The following MEIKIN variants were observed in gnomAD, a reference collection of about 807,000 sequenced individuals.
MEIKIN encodes meiotic kinetochore factor, also known as meiosis-specific kinetochore protein.
chr5:131,885,899 C>A (rs1282798942), intron 8 of MEIKIN, among the ~76,000 whole-genome samples: 1 of 152,032 alleles, frequency 6.6e-6, no homozygotes. Flanking sequence ...TGAGGAAATT[C>A]AAAGAAATTT....
chr5:131,843,751 C>T (rs981231989), intron 11 of MEIKIN, among the ~76,000 whole-genome samples: 3 of 152,230 alleles, frequency 2.0e-5, no homozygotes, highest in Admixed American at 6.5e-5. Context: ...CCAGGAAGTT[C>T]CAAACCTTCC....
intron 9 of MEIKIN, among the ~76,000 whole-genome samples, chr5:131,876,824 T>G (rs1475434562): frequency 6.6e-6 from 1 of 151,816 alleles, no homozygotes; most frequent in Non-Finnish European, 1.5e-5. Flanking sequence ...CCATAAAAAA[T>G]GATGAGTTCA....
chr5:131,852,738 T>C (rs976201512), intron 10 of MEIKIN, among the ~76,000 whole-genome samples: 16 of 152,150 alleles, frequency 1.1e-4, no homozygotes, highest in African/African-American at 3.6e-4. Context: ...ATGATGATAG[T>C]TGCACAGTTT....
chr5:131,843,046 G>T (rs371490041), intron 11 of MEIKIN, among the ~76,000 whole-genome samples: 3 of 152,226 alleles, frequency 2.0e-5, no homozygotes, highest in African/African-American at 7.2e-5. Flanking sequence ...AGCCACCAAG[G>T]TTTGGGGCTT....
chr5:131,883,379 C>A (rs1750729123), intron 8 of MEIKIN, among the ~76,000 whole-genome samples: 1 of 152,188 alleles, frequency 6.6e-6, no homozygotes, highest in South Asian at 2.1e-4. Context: ...AAAACTCCCA[C>A]ATTTAATGAC....
At chr5:131,892,413 T>TC (rs1320180558) in intron 8 of MEIKIN, among the ~76,000 whole-genome samples, 6 of 152,334 alleles carry the variant, frequency 3.9e-5, no homozygotes, top group South Asian at 2.1e-4. Context: ...TTTGTTCGTT[T>TC]CTTTTTATTC....
At position 131,904,729 on chromosome 5, in the gene MEIKIN, T is replaced by C. The variant is rs185136771; in HGVS notation, c.703+7086A>G. Among the ~76,000 whole-genome samples the C allele has an allele frequency of 4.8e-3, 727 of 152,236 alleles. 5 individuals carry two copies. Among genetic ancestry groups the C allele is most frequent in the African/African-American group, 0.017 (690 of 41,530 alleles). ...CAGCACTGTTCACAATAGCAAAGAC[T>C]TGGAACCAACCCAAATGCCCATCAA... is the stretch of plus-strand genomic sequence containing the variant. On this transcript the variant is annotated intron_variant, in intron 8 of 12. Transcript: ENST00000442687.
intron 5 of MEIKIN, among the ~76,000 whole-genome samples, chr5:131,931,858 T>C (rs1268480601): frequency 6.6e-6 from 1 of 152,190 alleles, no homozygotes; most frequent in Non-Finnish European, 1.5e-5. Context: ...ATATCTCTTT[T>C]TAATGTTAGA....
intron 8 of MEIKIN, among the ~76,000 whole-genome samples, chr5:131,886,038 C>A (rs542003219): frequency 8.9e-4 from 135 of 152,140 alleles, no homozygotes; most frequent in African/African-American, 3.2e-3. Flanking sequence ...TCCATCAGAG[C>A]CTTTTAATGG....
At chr5:131,827,544 G>A (rs752640222) in intron 11 of MEIKIN, among the ~76,000 whole-genome samples, 7 of 152,010 alleles carry the variant, frequency 4.6e-5, no homozygotes, top group Non-Finnish European at 8.8e-5. Context: ...ATATACCAAG[G>A]AAATATGTAA....
intron 9 of MEIKIN, among the ~76,000 whole-genome samples, chr5:131,870,463 C>G (rs1262199611): frequency 6.6e-6 from 1 of 152,114 alleles, no homozygotes; most frequent in Non-Finnish European, 1.5e-5. Context: ...CTTCCTTACT[C>G]TATAGATACT....
At chr5:131,841,417 C>T (rs1004001747) in intron 11 of MEIKIN, among the ~76,000 whole-genome samples, 4 of 152,184 alleles carry the variant, frequency 2.6e-5, no homozygotes, top group African/African-American at 9.7e-5. Flanking sequence ...GGGTGCCTGC[C>T]TCCCTACGGG....
At chr5:131,939,501 T>G (rs1161957894) in intron 4 of MEIKIN, among the ~76,000 whole-genome samples, 1 of 152,196 alleles carries the variant, frequency 6.6e-6, no homozygotes, top group African/African-American at 2.4e-5. Context: ...TACAACATTT[T>G]TATGCCTTTA....
chr5:131,929,359 T>C (rs1751643452), intron 5 of MEIKIN, among the ~76,000 whole-genome samples: 1 of 152,184 alleles, frequency 6.6e-6, no homozygotes, highest in African/African-American at 2.4e-5. Context: ...GGGATGATTT[T>C]AGCCACTATT....
At chr5:131,906,150 T>C (rs1751239219) in intron 8 of MEIKIN, among the ~76,000 whole-genome samples, 3 of 152,140 alleles carry the variant, frequency 2.0e-5, no homozygotes, top group Admixed American at 1.3e-4. Context: ...TATCAGAATC[T>C]ATAAGGAATT....
At chr5:131,822,632 T>G (rs1466136332) in intron 11 of MEIKIN, among the ~76,000 whole-genome samples, 1 of 152,222 alleles carries the variant, frequency 6.6e-6, no homozygotes, top group Non-Finnish European at 1.5e-5. Flanking sequence ...TGTCTTATTG[T>G]ACTGTCTATG....
At chr5:131,917,153 T>A (rs953137784) in intron 6 of MEIKIN, among the ~76,000 whole-genome samples, 2 of 152,226 alleles carry the variant, frequency 1.3e-5, no homozygotes, top group African/African-American at 4.8e-5. Context: ...AATAGTTCTT[T>A]ATAATTTTTG....
intron 11 of MEIKIN, among the ~76,000 whole-genome samples, chr5:131,845,239 C>T (rs1270013919): frequency 7.5e-6 from 1 of 133,544 alleles, no homozygotes; most frequent in African/African-American, 3.1e-5. Flanking sequence ...CACTGCACTC[C>T]AGCCTGGGTG....
intron 11 of MEIKIN, among the ~76,000 whole-genome samples, chr5:131,842,394 A>G (rs1267517710): frequency 2.5e-4 from 38 of 152,174 alleles, no homozygotes; most frequent in Admixed American, 2.5e-3. Context: ...ATTTTAGAAG[A>G]AACTTTCAGC....
Sources: gnomAD v4.1 joint callset for allele counts (sites outside exome capture counted in the v4.1 genomes callset) on GRCh38, gnomAD v4.1.1 for gene constraint, MANE v1.5 for transcripts, NCBI Gene and HGNC (gene_info 2026-07-23, HGNC 2026-07-21) for gene names.